The following ABCA10 variants were observed in gnomAD, a reference collection of about 807,000 sequenced individuals.
ABCA10 encodes the protein ATP-binding cassette sub-family A member 10.
ABCA10 carries 169 observed loss-of-function variants against 187.5 expected under a neutral mutation model. The observed-to-expected ratio is 0.90, with a 90% CI of 0.80 to 1.02. The LOEUF (loss-of-function observed/expected upper bound fraction) is 1.02. ABCA10 is among the 50% of genes least tolerant of loss of function. The pLI, the probability that ABCA10 is intolerant of heterozygous loss-of-function variation, is 0.00. For missense variants in ABCA10, 1,727 were observed against 1,812.4 expected (o/e 0.95, Z 0.86); for synonymous variants, 574 against 601.8 (o/e 0.95, Z 0.68).
Position 69,174,797 on chromosome 17 carries a change from A to G in ABCA10, c.2878-20T>C, listed in dbSNP as rs550795335. On this transcript the variant is annotated intron_variant, in intron 23 of 38. Coordinates refer to ENST00000690296, the MANE Select transcript of ABCA10 (RefSeq NM_001377321.1). Reference sequence around the variant, plus strand: ...ATTTTTCTGACAAAGAATAGAAGGGATAGAGGAAGGGATCTTAGTTTGAAA... The same window carrying G: ...ATTTTTCTGACAAAGAATAGAAGGGGTAGAGGAAGGGATCTTAGTTTGAAA... The G allele has an allele frequency of 1.2e-5, 18 of 1,537,292 alleles. No homozygotes were observed. The Admixed American group carries it at 1.7e-4, about 15-fold the overall frequency.
chr17:69,162,763 C>T (rs1276186318), intron 27 of ABCA10, among the ~76,000 whole-genome samples: 2 of 148,258 alleles, frequency 1.3e-5, no homozygotes, highest in African/African-American at 2.5e-5. Flanking sequence ...TCGTTGCTTA[C>T]AAAAGTGTCC....
At chr17:69,186,696 G>GT in intron 19 of ABCA10, among the ~76,000 whole-genome samples, 1 of 152,128 alleles carries the variant, frequency 6.6e-6, no homozygotes, top group Non-Finnish European at 1.5e-5. Context: ...TGGCTTAAAC[G>GT]TAACAATTTC....
intron 1 of ABCA10, among the ~76,000 whole-genome samples, chr17:69,235,778 AAAAGAAAAC>A (rs1367125042): frequency 1.1e-4 from 17 of 152,108 alleles, no homozygotes; most frequent in South Asian, 4.1e-4. Flanking sequence ...AGATTTAAAA[AAAAGAAAAC>A]AAAAAAAACA....
chr17:69,213,348 G>T (rs1267721375), intron 9 of ABCA10, among the ~76,000 whole-genome samples: 1 of 149,050 alleles, frequency 6.7e-6, no homozygotes, highest in East Asian at 2.0e-4. Context: ...GGTTAGGCAT[G>T]TCTGAGCTCA....
intron 2 of ABCA10, 106 bp downstream of exon 2, chr17:69,227,039 A>C (rs913398282): frequency 6.6e-6 from 1 of 151,508 alleles, no homozygotes; most frequent in Non-Finnish European, 1.5e-5. Context: ...GATAATTAAA[A>C]ATCAGAATTT....
At chr17:69,214,371 T>C (rs8070907) in intron 9 of ABCA10, among the ~76,000 whole-genome samples, 98,536 of 150,848 alleles carry the variant, frequency 0.65, 32,728 homozygotes, top group African/African-American at 0.7. Flanking sequence ...AAAAATTAGC[T>C]GGGCGTAGTG....
At chr17:69,151,422 G>A (rs1040867245) in intron 36 of ABCA10, among the ~76,000 whole-genome samples, 5 of 152,028 alleles carry the variant, frequency 3.3e-5, no homozygotes, top group Admixed American at 6.5e-5. Flanking sequence ...CAGATAATAC[G>A]TATTCAATAA....
intron 10 of ABCA10, among the ~76,000 whole-genome samples, chr17:69,197,646 T>C (rs1382251965): frequency 6.6e-6 from 1 of 152,220 alleles, no homozygotes; most frequent in African/African-American, 2.4e-5. Context: ...ATGAACACTT[T>C]TTAGTCCTTA....
At chr17:69,152,696 T>C (rs953690591) in intron 34 of ABCA10, among the ~76,000 whole-genome samples, 2 of 151,786 alleles carry the variant, frequency 1.3e-5, no homozygotes, top group Non-Finnish European at 2.9e-5. Flanking sequence ...CTGAGATGAG[T>C]GGATCACTTA....
At chr17:69,170,545 C>T (rs912178111) in intron 25 of ABCA10, among the ~76,000 whole-genome samples, 1 of 151,906 alleles carries the variant, frequency 6.6e-6, no homozygotes, top group Non-Finnish European at 1.5e-5. Context: ...CCTGTTTCTG[C>T]TTCTGCATTC....
intron 25 of ABCA10, among the ~76,000 whole-genome samples, chr17:69,169,479 A>G (rs538655866): frequency 6.6e-6 from 1 of 152,372 alleles, no homozygotes; most frequent in Non-Finnish European, 1.5e-5. Context: ...TGCAATCCCA[A>G]TTAATATCAC....
chr17:69,152,967 AG>A (rs1215798532), intron 34 of ABCA10, among the ~76,000 whole-genome samples: 2 of 152,156 alleles, frequency 1.3e-5, no homozygotes, highest in Non-Finnish European at 2.9e-5. Flanking sequence ...GGGGAAGAAA[AG>A]TAGGAAAGTT....
intron 4 of ABCA10, 58 bp downstream of exon 4, chr17:69,222,475 A>G: frequency 7.4e-7 from 1 of 1,353,212 alleles, no homozygotes; most frequent in Non-Finnish European, 9.9e-7. Context: ...CAGTCATTCC[A>G]AACAGGGGAT....
intron 25 of ABCA10, among the ~76,000 whole-genome samples, chr17:69,170,672 T>A (rs1245326298): frequency 1.3e-5 from 2 of 152,198 alleles, no homozygotes; most frequent in East Asian, 3.9e-4. Context: ...ACAGATACCC[T>A]AAAGGGTCTT....
At chr17:69,209,640 G>A (rs1376925102) in intron 9 of ABCA10, among the ~76,000 whole-genome samples, 2 of 152,204 alleles carry the variant, frequency 1.3e-5, no homozygotes, top group Admixed American at 1.3e-4. Context: ...AAGAAATTAT[G>A]TGTGAGGAAA....
chr17:69,217,490 C>T (rs988762396), intron 6 of ABCA10, among the ~76,000 whole-genome samples: 1 of 152,032 alleles, frequency 6.6e-6, no homozygotes, highest in Non-Finnish European at 1.5e-5. Flanking sequence ...TCATAAATGC[C>T]AAAAACTAGA....
chr17:69,179,541 A>T (rs1043878487), intron 22 of ABCA10, among the ~76,000 whole-genome samples: 2 of 152,120 alleles, frequency 1.3e-5, no homozygotes, highest in African/African-American at 4.8e-5. Context: ...CCTCAGCTCC[A>T]TTTCTATTTA....
chr17:69,210,081 T>TTTATTATTATTA (rs140000472), intron 9 of ABCA10, among the ~76,000 whole-genome samples: 3,852 of 146,846 alleles, frequency 0.026, 64 homozygotes, highest in East Asian at 0.059. Flanking sequence ...ATGCTATTAC[T>TTTATTATTATTA]TTATTATTAT....
chr17:69,173,414 T>C (rs1212928872), intron 25 of ABCA10, among the ~76,000 whole-genome samples: 3 of 152,136 alleles, frequency 2.0e-5, no homozygotes, highest in African/African-American at 2.4e-5. Context: ...AATGTAACTG[T>C]AACAGCTCCA....
Sources: allele counts gnomAD v4.1 joint callset (sites outside exome capture counted in the v4.1 genomes callset), GRCh38; gene constraint gnomAD v4.1.1; transcripts MANE v1.5; gene names NCBI Gene and HGNC (gene_info 2026-07-23, HGNC 2026-07-21).